RGPD2: variants seen among roughly 807,000 people sequenced by gnomAD.
RGPD2 encodes RANBP2 like and GRIP domain containing 2.
A neutral mutation model predicts 36.0 loss-of-function variants in RGPD2; 2 were observed. The observed-to-expected ratio is 0.06, with a 90% CI of 0.02 to 0.17. The LOEUF is 0.17. Among genes scored for constraint, RGPD2 ranks in the 10% least tolerant of loss-of-function variants. RGPD2 has a pLI of 1.00. For missense variants in RGPD2, 40 were observed against 464.3 expected (o/e 0.09, Z 8.40); for synonymous variants, 19 against 163.8 (o/e 0.12, Z 6.75).
At chr2:87,824,862 G>GGTCGAT (rs1686625488) in intron 1 of RGPD2, 1 of 37,476 alleles carries the variant, frequency 2.7e-5, no homozygotes, top group Admixed American at 3.6e-4. Context: ...CCGAGGCCGA[G>GGTCGAT]GCCGCCGCCG....
At chr2:87,827,172 A>T (rs1686835091), upstream of RGPD2, among the ~76,000 whole-genome samples, 1 of 152,152 alleles carries the variant, frequency 6.6e-6, no homozygotes, top group African/African-American at 2.4e-5. Flanking sequence ...AGTTAAAAAG[A>T]ATAATGTGTG....
At chr2:87,966,399 C>A in the RGPD2 span, among the ~76,000 whole-genome samples, 1 of 147,994 alleles carries the variant, frequency 6.8e-6, no homozygotes, top group African/African-American at 2.5e-5. Context: ...TCTACTTCTA[C>A]AGGACTAAGG....
At chr2:87,922,292 C>CAAAAAAAAAAAAAAAAA in the RGPD2 span, among the ~76,000 whole-genome samples, 1 of 84,696 alleles carries the variant, frequency 1.2e-5, no homozygotes. Context: ...GACTTCGTCT[C>CAAAAAAAAAAAAAAAAA]AAAAAAAAAA....
At chr2:87,985,880 C>G in the RGPD2 span, 15 of 1,606,882 alleles carry the variant, frequency 9.3e-6, no homozygotes, top group African/African-American at 1.3e-5. Flanking sequence ...TTTCTTTTGG[C>G]AGGATAAACT....
chr2:87,911,450 A>G, the RGPD2 span, among the ~76,000 whole-genome samples: 1 of 151,496 alleles, frequency 6.6e-6, no homozygotes, highest in Non-Finnish European at 1.5e-5. Context: ...TTAACATTTA[A>G]TATTTCCTGT....
the RGPD2 span, among the ~76,000 whole-genome samples, chr2:87,897,526 T>C: frequency 6.6e-6 from 1 of 152,156 alleles, no homozygotes; most frequent in East Asian, 1.9e-4. Context: ...GTTTGTTACA[T>C]AGGTAAACAT....
chr2:87,813,787 CA>C (rs1192657495), intron 4 of RGPD2, among the ~76,000 whole-genome samples: 1 of 125,402 alleles, frequency 8.0e-6, no homozygotes, highest in Non-Finnish European at 1.7e-5. Flanking sequence ...ATTCATTAAA[CA>C]AATGTCAGAA....
At chr2:87,882,872 T>G in the RGPD2 span, among the ~76,000 whole-genome samples, 2 of 152,036 alleles carry the variant, frequency 1.3e-5, no homozygotes, top group Non-Finnish European at 2.9e-5. Context: ...TTTTTAAATT[T>G]TTTTCTGGTG....
At chr2:87,877,614 T>C in the RGPD2 span, among the ~76,000 whole-genome samples, 590 of 152,216 alleles carry the variant, frequency 3.9e-3, no homozygotes, top group African/African-American at 0.013. Flanking sequence ...CCATCCTGGC[T>C]AACACGGTGA....
At chr2:87,901,086 CAG>C in the RGPD2 span, among the ~76,000 whole-genome samples, 2 of 134,594 alleles carry the variant, frequency 1.5e-5, no homozygotes, top group Non-Finnish European at 3.1e-5. Flanking sequence ...AGCACAGTCC[CAG>C]AACTTCACCT....
At chr2:87,812,924 C>G (rs1255213280) in intron 4 of RGPD2, among the ~76,000 whole-genome samples, 2 of 151,302 alleles carry the variant, frequency 1.3e-5, no homozygotes, top group African/African-American at 4.9e-5. Flanking sequence ...TCATGTTATC[C>G]TCTACTCCAA....
chr2:87,831,431 A>G, the RGPD2 span, among the ~76,000 whole-genome samples: 182 of 152,316 alleles, frequency 1.2e-3, 1 homozygote, highest in African/African-American at 3.3e-3. Context: ...ATAGACTTCA[A>G]TTGACAAATT....
At chr2:87,911,979 A>G in the RGPD2 span, among the ~76,000 whole-genome samples, 1 of 152,062 alleles carries the variant, frequency 6.6e-6, no homozygotes, top group African/African-American at 2.4e-5. Flanking sequence ...TTCTCAAGTA[A>G]AATCTAGCTA....
intron 2 of RGPD2, among the ~76,000 whole-genome samples, chr2:87,818,020 T>TAAAAAAAA (rs1175812254): frequency 3.1e-5 from 2 of 65,334 alleles, no homozygotes; most frequent in African/African-American, 9.8e-5. Flanking sequence ...AGATACTGAC[T>TAAAAAAAA]AAAAAAAAAA....
the RGPD2 span, among the ~76,000 whole-genome samples, chr2:87,880,762 T>C: frequency 6.8e-5 from 3 of 44,296 alleles, no homozygotes; most frequent in East Asian, 1.5e-3. Flanking sequence ...CAAAATATAA[T>C]CATGCCTTTT....
At chr2:87,869,866 T>C in the RGPD2 span, among the ~76,000 whole-genome samples, 1 of 152,236 alleles carries the variant, frequency 6.6e-6, no homozygotes, top group Non-Finnish European at 1.5e-5. Context: ...AAGTAGATCA[T>C]TCCCGTCTTC....
the RGPD2 span, among the ~76,000 whole-genome samples, chr2:87,920,230 G>A: frequency 6.6e-6 from 1 of 151,962 alleles, no homozygotes; most frequent in Non-Finnish European, 1.5e-5. Context: ...TTAGGATCTT[G>A]AGGAATATTT....
At chr2:87,915,329 ATT>A in the RGPD2 span, among the ~76,000 whole-genome samples, 2 of 111,354 alleles carry the variant, frequency 1.8e-5, no homozygotes, top group South Asian at 2.3e-4. Context: ...TATTATATAT[ATT>A]GTATATATAA....
chr2:87,951,315 G>T, the RGPD2 span, among the ~76,000 whole-genome samples: 9 of 151,226 alleles, frequency 6.0e-5, no homozygotes, highest in Non-Finnish European at 1.0e-4. Flanking sequence ...AAGAACATGC[G>T]TACCAACTCC....
Sources: allele counts gnomAD v4.1 joint callset (sites outside exome capture counted in the v4.1 genomes callset), GRCh38; gene constraint gnomAD v4.1.1; transcripts MANE v1.5; gene names NCBI Gene and HGNC (gene_info 2026-07-23, HGNC 2026-07-21).